Variants in ACYP2 observed in about 807,000 individuals in gnomAD.
ACYP2 encodes the protein acylphosphatase 2.
In ACYP2, 12 loss-of-function variants were observed where a neutral mutation model predicts 11.2. The ratio of observed to expected loss-of-function variants is 1.08; its 90% CI spans 0.69 to 1.74. ACYP2 has a LOEUF of 1.74. Among genes scored for constraint, ACYP2 ranks in the 40% most tolerant of loss-of-function variants. The pLI, the probability that ACYP2 is intolerant of heterozygous loss-of-function variation, is 0.00. For missense variants in ACYP2, 134 were observed against 101.9 expected (o/e 1.31, Z -1.35); for synonymous variants, 43 against 32.2 (o/e 1.33, Z -1.13).
At chr2:53,992,010 GCT>G (rs1672321015) in intron 2 of ACYP2, among the ~76,000 whole-genome samples, 1 of 151,570 alleles carries the variant, frequency 6.6e-6, no homozygotes, top group South Asian at 2.1e-4. Context: ...CAATGTAAGA[GCT>G]CTTGCCCCTC....
At chr2:54,115,860 C>T in intron 4 of ACYP2, 104 bp downstream of exon 1, 1 of 1,346,688 alleles carries the variant, frequency 7.4e-7, no homozygotes, top group Non-Finnish European at 9.8e-7. Flanking sequence ...CCCGTTGTGG[C>T]TGGGACTTCC....
At chr2:54,010,560 A>G (rs1673304704) in intron 2 of ACYP2, among the ~76,000 whole-genome samples, 1 of 151,868 alleles carries the variant, frequency 6.6e-6, no homozygotes, top group Admixed American at 6.6e-5. Flanking sequence ...AAAATATTTC[A>G]TGTGTCCCAT....
chr2:54,012,118 C>A (rs929004701), intron 2 of ACYP2, among the ~76,000 whole-genome samples: 7 of 151,668 alleles, frequency 4.6e-5, no homozygotes, highest in Non-Finnish European at 7.4e-5. Context: ...TGCCTGTAGT[C>A]CCAGCTACTC....
Position 54,138,634 on chromosome 2 carries a change from A to C in ACYP2, c.295-5A>C, listed in dbSNP as rs759576465. ...CTTTATTCTTCTTGTTTTTTCCTGA[A>C]ACAGTATACAGAAGATGAAGCTAGG... On this transcript the variant is annotated splice_polypyrimidine_tract_variant and splice_region_variant and intron_variant, in intron 5 of 6. Coordinates refer to ENST00000607452, the MANE Select transcript of ACYP2 (RefSeq NM_001320586.2). 24 of 1,607,392 alleles carry C rather than the reference A, an allele frequency of 1.5e-5. No individual in the cohort carries two copies. Among genetic ancestry groups the C allele is most frequent in the Non-Finnish European group, 2.0e-5 (24 of 1,176,484 alleles).
intron 2 of ACYP2, among the ~76,000 whole-genome samples, chr2:54,018,076 G>T (rs559709223): frequency 2.6e-5 from 4 of 152,126 alleles, no homozygotes; most frequent in Non-Finnish European, 5.9e-5. Flanking sequence ...TCTACTGAAC[G>T]TGGGGAGACG....
chr2:54,028,638 A>G (rs1415629695), intron 2 of ACYP2, among the ~76,000 whole-genome samples: 1 of 152,180 alleles, frequency 6.6e-6, no homozygotes, highest in Non-Finnish European at 1.5e-5. Context: ...GTCACAAACC[A>G]TTGTTTTCTC....
chr2:54,138,736 A>C lies in ACYP2; in HGVS notation c.392A>C (p.Lys131Thr). 1.2e-6 allele frequency: 2 copies of C among 1,613,028 alleles called. No homozygotes were observed. The highest frequency in any genetic ancestry group is 1.1e-5 in the South Asian group (1 of 90,904). The change falls in exon 6 of 7, where the codon AAA (lysine) becomes ACA (threonine). Residue 131 changes from lysine to threonine, a missense_variant. Lys to Thr is a moderately conservative substitution (Grantham distance 78). Coordinates refer to ENST00000607452, the MANE Select transcript of ACYP2 (RefSeq NM_001320586.2). ...GGCCAAGTGCAGGGGCCAGAAGACAAAGTCAATTCCATGTGAGTAGTAAAA... is the reference window on the plus strand; with the variant it reads ...GGCCAAGTGCAGGGGCCAGAAGACACAGTCAATTCCATGTGAGTAGTAAAA...
At chr2:54,118,781 A>G (rs1679967361) in intron 4 of ACYP2, among the ~76,000 whole-genome samples, 1 of 152,232 alleles carries the variant, frequency 6.6e-6, no homozygotes, top group African/African-American at 2.4e-5. Flanking sequence ...TGCTAAATGG[A>G]AGAGAGTACA....
intron 2 of ACYP2, among the ~76,000 whole-genome samples, chr2:54,011,901 G>GT (rs1281694842): frequency 6.6e-6 from 1 of 152,062 alleles, no homozygotes; most frequent in African/African-American, 2.4e-5. Context: ...ACCTTGGAAA[G>GT]TTTTTTAACT....
intron 6 of ACYP2, among the ~76,000 whole-genome samples, chr2:54,300,057 CTA>C (rs1303738204): frequency 6.6e-6 from 1 of 152,210 alleles, no homozygotes; most frequent in Non-Finnish European, 1.5e-5. Context: ...AAAATGAAAG[CTA>C]TCTCATGTGA....
At chr2:54,172,466 T>G (rs924921804) in intron 6 of ACYP2, among the ~76,000 whole-genome samples, 1 of 152,216 alleles carries the variant, frequency 6.6e-6, no homozygotes, top group African/African-American at 2.4e-5. Context: ...ATGTCAATCA[T>G]GTTGACCAAT....
At chr2:53,979,590 G>A (rs771043831) in intron 2 of ACYP2, among the ~76,000 whole-genome samples, 2 of 150,740 alleles carry the variant, frequency 1.3e-5, no homozygotes, top group African/African-American at 4.9e-5. Context: ...TTGTGCCACT[G>A]CACTCCAGCC....
intron 6 of ACYP2, among the ~76,000 whole-genome samples, chr2:54,278,213 C>T (rs891139956): frequency 1.3e-5 from 2 of 152,308 alleles, no homozygotes; most frequent in East Asian, 1.9e-4. Flanking sequence ...CTCCTGACCT[C>T]GTGATCCGCC....
chr2:54,040,784 G>C (rs778931460), intron 2 of ACYP2, among the ~76,000 whole-genome samples: 17 of 152,314 alleles, frequency 1.1e-4, no homozygotes, highest in Admixed American at 2.6e-4. Context: ...AACTGAAGTG[G>C]ATTGGATAAA....
At chr2:54,222,745 A>C (rs1040241570) in intron 6 of ACYP2, among the ~76,000 whole-genome samples, 2 of 151,980 alleles carry the variant, frequency 1.3e-5, no homozygotes, top group Non-Finnish European at 2.9e-5. Flanking sequence ...AATTTCTACT[A>C]ATTCCCCGGC....
intron 4 of ACYP2, among the ~76,000 whole-genome samples, chr2:54,134,253 A>C (rs1681093916): frequency 6.6e-6 from 1 of 152,112 alleles, no homozygotes. Flanking sequence ...CGATTGCATC[A>C]CTGTATTCCA....
At chr2:54,229,330 GT>G (rs1010820233) in intron 6 of ACYP2, among the ~76,000 whole-genome samples, 3 of 152,040 alleles carry the variant, frequency 2.0e-5, no homozygotes, top group Non-Finnish European at 2.9e-5. Context: ...AATCTATGTT[GT>G]TATTCTTTTA....
intron 6 of ACYP2, among the ~76,000 whole-genome samples, chr2:54,270,420 GTTTTT>G (rs141609525): frequency 1.3e-5 from 2 of 151,974 alleles, no homozygotes; most frequent in African/African-American, 2.4e-5. Context: ...TTGTTTTTGT[GTTTTT>G]TAGCCAGTTA....
At chr2:54,244,737 T>A (rs921058758) in intron 6 of ACYP2, among the ~76,000 whole-genome samples, 1 of 152,208 alleles carries the variant, frequency 6.6e-6, no homozygotes, top group Non-Finnish European at 1.5e-5. Flanking sequence ...GTTTTATTTT[T>A]TTCTGTATAA....
Sources: gnomAD v4.1 joint callset for allele counts (sites outside exome capture counted in the v4.1 genomes callset) on GRCh38, gnomAD v4.1.1 for gene constraint, MANE v1.5 for transcripts, NCBI Gene and HGNC (gene_info 2026-07-23, HGNC 2026-07-21) for gene names.